The following PCNX4 variants were observed in gnomAD, a reference collection of about 807,000 sequenced individuals.
PCNX4 encodes pecanex 4.
In PCNX4, 103 loss-of-function variants were observed where a neutral mutation model predicts 107.2. The observed-to-expected ratio is 0.96, with a 90% CI of 0.82 to 1.13. The LOEUF (loss-of-function observed/expected upper bound fraction) is 1.13, where lower values mean the gene tolerates loss of function less well. Ranked by LOEUF, PCNX4 falls within the 50% of genes most tolerant of loss-of-function variation. The pLI, the probability that PCNX4 is intolerant of heterozygous loss-of-function variation, is 0.00. For synonymous variants in PCNX4, 541 were observed against 481.7 expected, an observed-to-expected ratio of 1.12 and a Z score of -1.61; for missense variants, 1,528 against 1,379.4, an observed-to-expected ratio of 1.11 and a Z score of -1.71.
At chr14:60,117,542 G>C (rs180831372) in intron 6 of PCNX4, among the ~76,000 whole-genome samples, 1 of 151,930 alleles carries the variant, frequency 6.6e-6, no homozygotes, top group Non-Finnish European at 1.5e-5. Context: ...ATTTATCTTG[G>C]GTATACCTAC....
intron 1 of PCNX4, among the ~76,000 whole-genome samples, chr14:60,096,230 G>T (rs1895422144): frequency 1.3e-5 from 2 of 152,162 alleles, no homozygotes; most frequent in Admixed American, 6.5e-5. Flanking sequence ...TTTTTATGAT[G>T]GTGCAGGTCC....
chr14:60,129,240 C>T (rs78723938), intron 10 of PCNX4, among the ~76,000 whole-genome samples: 2 of 123,950 alleles, frequency 1.6e-5, no homozygotes, highest in South Asian at 5.0e-4. Flanking sequence ...GACTCCATCT[C>T]AAAAAAAAAA....
chr14:60,096,203 A>G (rs1282821615), intron 1 of PCNX4, among the ~76,000 whole-genome samples: 1 of 152,352 alleles, frequency 6.6e-6, no homozygotes, highest in Non-Finnish European at 1.5e-5. Context: ...CATCTGGAAT[A>G]TAAACACAAC....
intron 10 of PCNX4, among the ~76,000 whole-genome samples, chr14:60,126,937 A>G (rs1045788007): frequency 6.6e-6 from 1 of 152,178 alleles, no homozygotes; most frequent in Non-Finnish European, 1.5e-5. Flanking sequence ...CTTATCTCCT[A>G]AAGCAGAAGT....
At chr14:60,099,131 T>C (rs2140529783) in intron 1 of PCNX4, among the ~76,000 whole-genome samples, 1 of 152,312 alleles carries the variant, frequency 6.6e-6, no homozygotes, top group South Asian at 2.1e-4. Context: ...GCATACTTTT[T>C]AGAATTGCTC....
At chr14:60,102,067 G>C (rs1411785988) in intron 1 of PCNX4, among the ~76,000 whole-genome samples, 3 of 152,280 alleles carry the variant, frequency 2.0e-5, no homozygotes, top group Middle Eastern at 3.4e-3. Flanking sequence ...CCAGAGAATG[G>C]GGGGAGGGAA....
At chr14:60,130,602 G>A (rs1049185701) in intron 10 of PCNX4, among the ~76,000 whole-genome samples, 4 of 151,978 alleles carry the variant, frequency 2.6e-5, no homozygotes, top group East Asian at 1.9e-4. Context: ...GTTTATGTAC[G>A]CCCCGAATTT....
At chr14:60,098,817 A>T (rs1895476027) in intron 1 of PCNX4, among the ~76,000 whole-genome samples, 1 of 152,028 alleles carries the variant, frequency 6.6e-6, no homozygotes, top group Non-Finnish European at 1.5e-5. Flanking sequence ...GCATGCCTGT[A>T]ATCCCAGCTA....
intron 2 of PCNX4, among the ~76,000 whole-genome samples, chr14:60,113,893 T>G (rs1895786966): frequency 6.6e-6 from 1 of 152,214 alleles, no homozygotes; most frequent in Non-Finnish European, 1.5e-5. Flanking sequence ...AATTAAATTA[T>G]TTGAAGCAGT....
At chr14:60,127,996 AG>A (rs1896086364) in intron 10 of PCNX4, among the ~76,000 whole-genome samples, 1 of 152,182 alleles carries the variant, frequency 6.6e-6, no homozygotes, top group South Asian at 2.1e-4. Flanking sequence ...TTAAACTGGC[AG>A]AAGAAAGAAT....
At chr14:60,096,277 G>C (rs983269684) in intron 1 of PCNX4, among the ~76,000 whole-genome samples, 1 of 152,124 alleles carries the variant, frequency 6.6e-6, no homozygotes, top group African/African-American at 2.4e-5. Flanking sequence ...AAAGCCATAC[G>C]GTTTTGCAGC....
At position 60,124,707 on chromosome 14, in the gene PCNX4, T is replaced by G. The variant is rs1595175876; in HGVS notation, c.2536T>G (p.Leu846Val). The G allele has an allele frequency of 1.2e-6, 2 of 1,613,188 alleles. No homozygotes were observed. The highest frequency in any genetic ancestry group is 1.7e-6 in the Non-Finnish European group (2 of 1,179,728). The change falls in exon 9 of 11, where the codon TTG becomes GTG. Residue 846 changes from leucine to valine, a missense_variant. By Grantham distance (32) the Leu-to-Val change is conservative. Transcript: ENST00000406854. Reference sequence around the variant, plus strand: ...AGAAGAAAAACATCAGTTGAAAGATTTGCCAGGTACAAATTTGTTTATTCC... The same window carrying G: ...AGAAGAAAAACATCAGTTGAAAGATGTGCCAGGTACAAATTTGTTTATTCC... ...VIEEKHQLKD[L>V]PGTNLFIPGS...
intron 10 of PCNX4, among the ~76,000 whole-genome samples, chr14:60,131,807 A>G (rs1003424644): frequency 6.6e-6 from 1 of 152,370 alleles, no homozygotes. Flanking sequence ...TACGTGAAAC[A>G]ATAATCAAAA....
rs1566931443 is a variant in PCNX4 at position 60,107,577 on chromosome 14, A to G, written c.-53-9A>G. 8 of 1,410,342 alleles carry G rather than the reference A, an allele frequency of 5.7e-6. No homozygotes were observed. In the East Asian group the frequency reaches 1.4e-4, roughly 25 times the overall value. The allele number at this position is 1,410,342 out of a possible 1,614,324, so 87.4% of individuals were successfully genotyped here. On this transcript the variant is annotated splice_polypyrimidine_tract_variant and intron_variant, in intron 1 of 10. Coordinates refer to ENST00000406854, the MANE Select transcript of PCNX4 (RefSeq NM_001330177.2). ...CAAACAGTGACTTTTTTTAATTTTT[A>G]TTTTTTAGAAACTGCTGTGTTACAG...
chr14:60,125,141 T>C lies in PCNX4; in HGVS notation c.2970T>C (p.Pro990=). Residue 990 remains proline, a synonymous_variant, in exon 9 of 11, where the codon CCT becomes CCC. Coordinates refer to ENST00000406854, the MANE Select transcript of PCNX4 (RefSeq NM_001330177.2). ...TATTTGGAATAGACAATATGGCTCC[T>C]AGTCCTGGTCATATATTGAGAGTTT... The part of the protein sequence containing the change: ...FSLFGIDNMA[P]SPGHILRVYG... The C allele has an allele frequency of 6.2e-7, 1 of 1,612,984 alleles. No individual in the cohort carries two copies. Among genetic ancestry groups the C allele is most frequent in the Non-Finnish European group, 8.5e-7 (1 of 1,179,358 alleles).
intron 1 of PCNX4, among the ~76,000 whole-genome samples, chr14:60,093,280 A>G (rs1895346088): frequency 2.0e-5 from 3 of 152,160 alleles, no homozygotes; most frequent in Non-Finnish European, 4.4e-5. Context: ...TGCAACCCTT[A>G]CCACAGTCAA....
chr14:60,123,428 G>T (rs1895990757), intron 8 of PCNX4, among the ~76,000 whole-genome samples: 1 of 152,084 alleles, frequency 6.6e-6, no homozygotes, highest in Non-Finnish European at 1.5e-5. Flanking sequence ...TCAAGTTCTT[G>T]CCAGCACCTG....
rs1392156853 is a variant in PCNX4, at chr14:60,116,042, A to G, written c.1560A>G (p.Thr520=). ...TDIWWNRSLD[T]GLRLLLVGII... is the part of the protein sequence containing the mutation. ...TATGGTGGAACAGAAGCCTGGATAC[A>G]GGACTCAGACTCTTACTGGTAAGTG... Residue 520 remains threonine, a synonymous_variant, in exon 6 of 11, where the codon ACA becomes ACG. Coordinates refer to ENST00000406854, the MANE Select transcript of PCNX4 (RefSeq NM_001330177.2). 1.9e-6 allele frequency: 3 copies of G among 1,611,000 alleles called. No homozygotes were observed. In the East Asian group the frequency reaches 6.7e-5, roughly 36 times the overall value.
chr14:60,117,548 C>T (rs1359447962), intron 6 of PCNX4, among the ~76,000 whole-genome samples: 1 of 152,110 alleles, frequency 6.6e-6, no homozygotes, highest in Non-Finnish European at 1.5e-5. Flanking sequence ...CTTGGGTATA[C>T]CTACCTAGGA....
Sources: gnomAD v4.1 joint callset for allele counts (sites outside exome capture counted in the v4.1 genomes callset) on GRCh38, gnomAD v4.1.1 for gene constraint, MANE v1.5 for transcripts, NCBI Gene and HGNC (gene_info 2026-07-23, HGNC 2026-07-21) for gene names.